Variants in TNRC6C observed in about 807,000 individuals in gnomAD.
TNRC6C encodes the protein trinucleotide repeat containing adaptor 6C.
In TNRC6C, 20 loss-of-function variants were observed where a neutral mutation model predicts 153.7. The ratio of observed to expected loss-of-function variants is 0.13; its 90% confidence interval spans 0.09 to 0.19. The LOEUF (loss-of-function observed/expected upper bound fraction) is 0.19. Among genes scored for constraint, TNRC6C ranks in the 10% least tolerant of loss-of-function variants. The probability of loss-of-function intolerance (pLI) is 1.00; values close to 1 mark genes in which losing one functional copy is unlikely to be tolerated. For missense variants in TNRC6C, 1,987 were observed against 2,172.0 expected, an observed-to-expected ratio of 0.91 and a Z score of 1.69; for synonymous variants, 811 against 841.4, an observed-to-expected ratio of 0.96 and a Z score of 0.63.
exon 3 of TNRC6C, chr17:78,050,167 A>C (rs767504746): frequency 1.3e-6 from 2 of 1,565,538 alleles, no homozygotes; most frequent in East Asian, 4.5e-5. Context: ...TCCTAGTGTC[A>C]CCAGCCAGAA....
At chr17:77,971,915 C>T (rs146617707) in intron 1 of TNRC6C, among the ~76,000 whole-genome samples, 3 of 148,188 alleles carry the variant, frequency 2.0e-5, no homozygotes, top group African/African-American at 7.4e-5. Flanking sequence ...TGCAACTAAA[C>T]TGTACTAGGA....
At chr17:78,078,975 C>A (rs2073131709) in intron 9 of TNRC6C, among the ~76,000 whole-genome samples, 1 of 152,146 alleles carries the variant, frequency 6.6e-6, no homozygotes, top group African/African-American at 2.4e-5. Context: ...CGACGGTAAT[C>A]CCAGCTCCTC....
chr17:77,987,684 G>GT (rs906357777), intron 1 of TNRC6C, among the ~76,000 whole-genome samples: 1 of 152,068 alleles, frequency 6.6e-6, no homozygotes, highest in African/African-American at 2.4e-5. Context: ...TTGTTTGTTT[G>GT]TTTTTTGGAG....
In TNRC6C at chr17:78,033,612, C is replaced by T. The variant is rs1567926019; in HGVS notation, c.-219+1770C>T. Among the ~76,000 whole-genome samples, 3 of 151,044 alleles carry T rather than the reference C, an allele frequency of 2.0e-5. No individual in the cohort carries two copies. In the South Asian group the frequency reaches 6.3e-4, roughly 32 times the overall value. On this transcript the variant is annotated intron_variant, in intron 2 of 19. Transcript: ENST00000301624. The stretch of plus-strand genomic sequence containing the variant: ...TGAACCTGGGACGTGGAGGTTGCGG[C>T]GAGCCGAGATCACGCCATTGCACTC...
intron 1 of TNRC6C, among the ~76,000 whole-genome samples, chr17:77,971,247 C>T (rs543286257): frequency 3.3e-5 from 5 of 152,296 alleles, no homozygotes; most frequent in South Asian, 4.1e-4. Context: ...TTATTTCACA[C>T]CTTGGGTGAT....
At chr17:78,096,755 T>C (rs1193020509) in intron 16 of TNRC6C, among the ~76,000 whole-genome samples, 1 of 152,264 alleles carries the variant, frequency 6.6e-6, no homozygotes, top group Non-Finnish European at 1.5e-5. Flanking sequence ...CTTTCCATCC[T>C]GTGTTCACCC....
At chr17:78,023,673 A>G (rs1200085240) in intron 1 of TNRC6C, among the ~76,000 whole-genome samples, 1 of 151,772 alleles carries the variant, frequency 6.6e-6, no homozygotes, top group African/African-American at 2.4e-5. Flanking sequence ...GGGCATGGTG[A>G]TACACATCTG....
intron 3 of TNRC6C, 59 bp from the exon 6 acceptor site, chr17:78,064,662 AT>A: frequency 6.7e-7 from 1 of 1,487,200 alleles, no homozygotes; most frequent in Admixed American, 1.7e-5. Context: ...ACTGAATTAT[AT>A]TTTTGCTTTT....
intron 13 of TNRC6C, among the ~76,000 whole-genome samples, chr17:78,090,979 T>C (rs867729081): frequency 1.1e-4 from 17 of 152,322 alleles, no homozygotes; most frequent in African/African-American, 3.8e-4. Context: ...ATTTTCCTAA[T>C]AGTTTGGACT....
rs765620774 is a variant in TNRC6C at position 78,049,532 on chromosome 17, A to G, written c.470A>G (p.Gln157Arg). The G allele has an allele frequency of 6.2e-7, 1 of 1,614,046 alleles. No individual in the cohort carries two copies. Among genetic ancestry groups the G allele is most frequent in the South Asian group, 1.1e-5 (1 of 91,082 alleles). ...GGTGCTTGGGGAAACTTGCTGCCAC[A>G]AGAGAGCACAGAACCACAAACGTCC... Residue 157 changes from glutamine (Q) to arginine (R), a missense_variant, in exon 3 of 20, where the codon CAA becomes CGA. This residue lies in a region of TNRC6C where 1,052 missense variants were observed against 1,017.0 expected (regional missense o/e 1.03). Coordinates refer to ENST00000301624, the Ensembl canonical transcript of TNRC6C. The surrounding 1 kb of genome is among the most constrained non-coding windows in gnomAD (Gnocchi z 4.1).
rs117311112 is a variant in TNRC6C at position 77,960,745 on chromosome 17, A to T, written c.-38+1477A>T. ...GCAGAGGTGGCAATGGTCTTTGAGC[A>T]TGTTTCACTGTAGCACCCCTAGGAT... is the stretch of plus-strand genomic sequence containing the variant. On this transcript the variant is annotated intron_variant, in intron 1 of 22. Coordinates refer to the TNRC6C transcript ENST00000636222. Among the ~76,000 whole-genome samples, 1,052 of 152,302 alleles carry T rather than the reference A, an allele frequency of 6.9e-3. 3 individuals are homozygous for T. The highest frequency in any genetic ancestry group is 0.011 in the Non-Finnish European group (773 of 68,008).
intron 7 of TNRC6C, 124 bp downstream of exon 9, chr17:78,073,218 T>G (rs981650602): frequency 2.9e-6 from 2 of 698,176 alleles, no homozygotes; most frequent in Non-Finnish European, 2.2e-6. Flanking sequence ...CAGGCCACAG[T>G]GAAGGGGCAA....
intron 13 of TNRC6C, among the ~76,000 whole-genome samples, chr17:78,090,289 C>T (rs945429751): frequency 6.6e-6 from 1 of 152,170 alleles, no homozygotes; most frequent in Non-Finnish European, 1.5e-5. Flanking sequence ...ACAGGACAGA[C>T]ACTCTCTGGT....
intron 3 of TNRC6C, among the ~76,000 whole-genome samples, chr17:78,062,736 T>C (rs1484184607): frequency 6.6e-6 from 1 of 152,182 alleles, no homozygotes; most frequent in Non-Finnish European, 1.5e-5. Context: ...AAATCCTTCT[T>C]ATTGCCTGGT....
intron 1 of TNRC6C, among the ~76,000 whole-genome samples, chr17:77,963,212 G>A (rs2070874418): frequency 6.6e-6 from 1 of 152,146 alleles, no homozygotes; most frequent in African/African-American, 2.4e-5. Context: ...TTACTTGTCA[G>A]AAATAACTAT....
At position 77,991,528 on chromosome 17, in the gene TNRC6C, C is replaced by T. The variant is rs187174467; in HGVS notation, c.-37-12642C>T. 3.3e-5 allele frequency among the ~76,000 whole-genome samples: 5 copies of T among 152,246 alleles called. No individual in the cohort carries two copies. The East Asian group carries it at 9.6e-4, about 29-fold the overall frequency. ...AGAAATAATACGTAAACTTCCAGGG[C>T]ATGAACCAAAAAGGAAATAATTTGC... On this transcript the variant is annotated intron_variant, in intron 1 of 22. Transcript: ENST00000636222.
intron 2 of TNRC6C, chr17:78,041,088 C>G (rs1179726002): frequency 2.6e-5 from 4 of 152,248 alleles, no homozygotes. Context: ...GGTGGCGTCT[C>G]CTAGGAGGGT....
rs368739460 is a variant in TNRC6C, at chr17:77,959,771, A to G, written c.-38+503A>G. On this transcript the variant is annotated intron_variant, in intron 1 of 22. Coordinates refer to the TNRC6C transcript ENST00000636222. ...GGTGGATTTTCTAACGGTGCTGCGGACTGCGGAGTAATGCGTATGAGGAAA... is the reference window on the plus strand; with the variant it reads ...GGTGGATTTTCTAACGGTGCTGCGGGCTGCGGAGTAATGCGTATGAGGAAA... Among the ~76,000 whole-genome samples, 19 of 152,152 alleles carry G rather than the reference A, an allele frequency of 1.2e-4. No individual in the cohort carries two copies. The East Asian group carries it at 2.1e-3, about 17-fold the overall frequency.
chr17:78,012,324 A>T (rs2071648317), intron 1 of TNRC6C, among the ~76,000 whole-genome samples: 1 of 152,114 alleles, frequency 6.6e-6, no homozygotes, highest in Non-Finnish European at 1.5e-5. Context: ...GAAACTACAG[A>T]CACTGGGTTC....
Sources: allele counts gnomAD v4.1 joint callset (sites outside exome capture counted in the v4.1 genomes callset), GRCh38; gene constraint gnomAD v4.1.1; regional missense constraint gnomAD v4.1.1; non-coding constraint Gnocchi (gnomAD v3.1); transcripts MANE v1.5; gene names NCBI Gene and HGNC (gene_info 2026-07-23, HGNC 2026-07-21).